The following ANKRD16 variants were observed in gnomAD, a reference collection of about 807,000 sequenced individuals.
ANKRD16 encodes the protein ankyrin repeat domain-containing protein 16.
ANKRD16 carries 35 observed loss-of-function variants against 37.9 expected under a neutral mutation model. The ratio of observed to expected loss-of-function variants is 0.92; its 90% CI spans 0.71 to 1.23. ANKRD16 has a LOEUF of 1.23. ANKRD16 is among the 50% of genes most tolerant of loss of function. The probability of loss-of-function intolerance (pLI) is 0.00; values close to 1 mark genes in which losing one functional copy is unlikely to be tolerated. For synonymous variants in ANKRD16, 206 were observed against 197.2 expected, an observed-to-expected ratio of 1.04 and a Z score of -0.37; for missense variants, 480 against 469.9, an observed-to-expected ratio of 1.02 and a Z score of -0.20.
Position 5,866,172 on chromosome 10 carries a change from G to T in ANKRD16, c.*34-3481C>A, listed in dbSNP as rs1842010829. Among the ~76,000 whole-genome samples the T allele has an allele frequency of 6.6e-6, 1 of 152,168 alleles. No individual in the cohort carries two copies. The highest frequency in any genetic ancestry group is 1.5e-5 in the Non-Finnish European group (1 of 68,038). On this transcript the variant is annotated intron_variant, in intron 7 of 7. Coordinates refer to ENST00000380094, the MANE Select transcript of ANKRD16 (RefSeq NM_019046.3). The surrounding 1 kb of genome is among the most constrained non-coding windows in gnomAD (Gnocchi z 4.3). ...ACCTAGATACCAGGCACTACTCCTTGAGGGACCAGTGCTTCAAATACATAC... is the reference window on the plus strand; with the variant it reads ...ACCTAGATACCAGGCACTACTCCTTTAGGGACCAGTGCTTCAAATACATAC...
chr10:5,873,695 T>C (rs1374377874), intron 7 of ANKRD16, among the ~76,000 whole-genome samples: 1 of 152,176 alleles, frequency 6.6e-6, no homozygotes, highest in Non-Finnish European at 1.5e-5. Flanking sequence ...TGCTCCTCCC[T>C]CTTCTCACTG....
At position 5,889,363 on chromosome 10, in the gene ANKRD16, G is replaced by C. The variant is rs1172312305; in HGVS notation, c.-9C>G. 4.2e-5 allele frequency: 51 copies of C among 1,213,506 alleles called. No individual in the cohort carries two copies. Among genetic ancestry groups the C allele is most frequent in the Non-Finnish European group, 2.5e-5 (24 of 978,314 alleles). 75.2% of individuals were successfully genotyped at this position (1,213,506 alleles called of 1,614,324 possible). On this transcript the variant is annotated 5_prime_UTR_variant, in exon 1 of 8. Coordinates refer to ENST00000380094, the MANE Select transcript of ANKRD16 (RefSeq NM_019046.3). ...TCCCCGGGCTGGGCCATCGCCGCGG[G>C]TCGGGCCGGGCTGCGCGGGGAGGCG...
intron 2 of ANKRD16, 39 bp downstream of exon 2, chr10:5,887,808 C>T (rs991422995): frequency 1.9e-6 from 3 of 1,578,124 alleles, no homozygotes; most frequent in Admixed American, 3.5e-5. Context: ...GAAGCAGCCA[C>T]ATGTGTGTAC....
chr10:5,889,555 A>G lies in ANKRD16; in HGVS notation c.-201T>C, dbSNP rs1329813232. On this transcript the variant is annotated 5_prime_UTR_variant, in exon 1 of 8. Coordinates refer to ENST00000380094, the MANE Select transcript of ANKRD16 (RefSeq NM_019046.3). Reference sequence around the variant, plus strand: ...TCCTCAAACCCCCGGCCTAGTCCGCAGGCGGGCTGCCCCCTCACAGCCCCG... The same window carrying G: ...TCCTCAAACCCCCGGCCTAGTCCGCGGGCGGGCTGCCCCCTCACAGCCCCG... 7.2e-6 allele frequency: 2 copies of G among 278,996 alleles called. No homozygotes were observed. Among genetic ancestry groups the G allele is most frequent in the Non-Finnish European group, 1.3e-5 (2 of 159,940 alleles). The allele number at this position is 278,996 out of a possible 1,614,324, so 17.3% of individuals were successfully genotyped here.
At chr10:5,880,242 G>A in intron 6 of ANKRD16, 56 bp downstream of exon 6, 1 of 595,916 alleles carries the variant, frequency 1.7e-6, no homozygotes, top group Non-Finnish European at 2.8e-6. Context: ...ATATAAAAGT[G>A]TATTGGTTAT....
In ANKRD16 at chr10:5,877,673, T is replaced by A. The variant is rs180981455; in HGVS notation, c.*33+424A>T. 4.0e-3 allele frequency among the ~76,000 whole-genome samples: 614 copies of A among 152,366 alleles called. 4 individuals are homozygous for A. In the Middle Eastern group the frequency reaches 0.061, roughly 15 times the overall value. On this transcript the variant is annotated intron_variant, in intron 7 of 7. Coordinates refer to ENST00000380094, the MANE Select transcript of ANKRD16 (RefSeq NM_019046.3). Reference sequence around the variant, plus strand: ...GAAGGAAGAAATTAAATGGGCCAACTGCATTTTATAGCTCAAGCTAATAGC... The same window carrying A: ...GAAGGAAGAAATTAAATGGGCCAACAGCATTTTATAGCTCAAGCTAATAGC...
chr10:5,879,708 T>C (rs1842255025), intron 6 of ANKRD16, among the ~76,000 whole-genome samples: 1 of 21,710 alleles, frequency 4.6e-5, no homozygotes, highest in East Asian at 1.7e-3. Context: ...AAGAAACTGC[T>C]TTTATGATGC....
At chr10:5,887,322 C>A (rs1465659031) in intron 2 of ANKRD16, among the ~76,000 whole-genome samples, 2 of 151,228 alleles carry the variant, frequency 1.3e-5, no homozygotes, top group East Asian at 3.9e-4. Flanking sequence ...AGCATGCTAG[C>A]CAAGTTATGT....
Position 5,887,937 on chromosome 10 carries a change from C to T in ANKRD16, c.445G>A (p.Asp149Asn), listed in dbSNP as rs548724768. ...NSFHIASREG[D>N]PLILQYLLTV... The stretch of plus-strand genomic sequence containing the variant: ...AGCAGGTACTGGAGGATCAGAGGGT[C>T]GCCTTCTCGACTGGCAATGTGGAAA... The change falls in exon 2 of 8, where the codon GAC becomes AAC. Residue 149 changes from aspartate to asparagine, a missense_variant. By Grantham distance (23) the Asp-to-Asn change is conservative. Transcript: ENST00000380094. 2.5e-6 allele frequency: 4 copies of T among 1,614,156 alleles called. No individual in the cohort carries two copies. Among genetic ancestry groups the T allele is most frequent in the African/African-American group, 1.3e-5 (1 of 75,052 alleles).
chr10:5,874,088 A>C lies in ANKRD16; in HGVS notation c.*33+4009T>G, dbSNP rs1423009309. On this transcript the variant is annotated intron_variant, in intron 7 of 7. Coordinates refer to ENST00000380094, the MANE Select transcript of ANKRD16 (RefSeq NM_019046.3). This position sits in a 1 kb window ranked among gnomAD's most constrained non-coding sequence, Gnocchi z 4.7. Reference sequence around the variant, plus strand: ...GTATTTTTAGTAAAGACGGGATTTCACCATGTTGGCCAGGATGGTCTCGAT... The same window carrying C: ...GTATTTTTAGTAAAGACGGGATTTCCCCATGTTGGCCAGGATGGTCTCGAT... Among the ~76,000 whole-genome samples, 2 of 152,026 alleles carry C rather than the reference A, an allele frequency of 1.3e-5. No homozygotes were observed. The highest frequency in any genetic ancestry group is 2.9e-5 in the Non-Finnish European group (2 of 68,004).
chr10:5,878,526 GT>G lies in ANKRD16; in HGVS notation c.929-240del, dbSNP rs1300387127. Among the ~76,000 whole-genome samples, 1 of 152,114 alleles carries G rather than the reference GT, an allele frequency of 6.6e-6. No individual in the cohort carries two copies. Among genetic ancestry groups the G allele is most frequent in the African/African-American group, 2.4e-5 (1 of 41,426 alleles). ...TTTAAGAAATTTATCTAGGCTGGGC[GT>G]GGTGGCTCATGCCTGTAATCCCAGC... On this transcript the variant is annotated intron_variant, in intron 6 of 7. Coordinates refer to ENST00000380094, the MANE Select transcript of ANKRD16 (RefSeq NM_019046.3). The surrounding 1 kb of genome is among the most constrained non-coding windows in gnomAD (Gnocchi z 5.1).
Position 5,889,310 on chromosome 10 carries a change from C to A in ANKRD16, c.45G>T (p.Gln15His). 2.2e-6 allele frequency: 3 copies of A among 1,339,424 alleles called. No homozygotes were observed. In the African/African-American group the frequency reaches 4.6e-5, roughly 21 times the overall value. 83.0% of individuals were successfully genotyped at this position (1,339,424 alleles called of 1,614,324 possible). Residue 15 changes from glutamine to histidine, a missense_variant, in exon 1 of 8, where the codon CAG becomes CAT. Gln to His is a conservative substitution (Grantham distance 24). Coordinates refer to ENST00000380094, the MANE Select transcript of ANKRD16 (RefSeq NM_019046.3). ...GDPRRLCRLV[Q>H]EGRLRALKEE... The stretch of plus-strand genomic sequence containing the variant: ...CCTTCAGGGCGCGCAGCCGGCCCTC[C>A]TGCACCAGCCTGCAGAGGCGCCGCG...
intron 6 of ANKRD16, 89 bp downstream of exon 6, chr10:5,880,202 AAAGGAAG>A: frequency 6.2e-6 from 2 of 321,504 alleles, no homozygotes; most frequent in South Asian, 6.3e-5. Flanking sequence ...AAAAAAAAAA[AAAGGAAG>A]AATATTAAAA....
At position 5,880,634 on chromosome 10, in the gene ANKRD16, C is replaced by CGGGG. The variant is rs1564417593; in HGVS notation, c.850-259_850-258insCCCC. 4.0e-3 allele frequency among the ~76,000 whole-genome samples: 599 copies of CGGGG among 150,274 alleles called. 4 individuals are homozygous for CGGGG. The highest frequency in any genetic ancestry group is 0.014 in the African/African-American group (562 of 39,784). ...AATCCACATTGCAGGATAAAAGGAG[C>CGGGG]AGGGGGGGGATTAGGCAATGATACA... On this transcript the variant is annotated intron_variant, in intron 5 of 7. Transcript: ENST00000380094.
rs527509098 is a variant in ANKRD16, at chr10:5,871,809, T to C, written c.*33+6288A>G. On this transcript the variant is annotated intron_variant, in intron 7 of 7. Transcript: ENST00000380094. The surrounding 1 kb of genome is among the most constrained non-coding windows in gnomAD (Gnocchi z 4.5). ...TTTCCCAGTCTGTAAACATGCCACA[T>C]GCTCATCCCCTCACTCACCCTCTCG... 1.1e-3 allele frequency among the ~76,000 whole-genome samples: 169 copies of C among 152,306 alleles called. No individual in the cohort carries two copies. Among genetic ancestry groups the C allele is most frequent in the South Asian group, 1.9e-3 (9 of 4,830 alleles).
chr10:5,867,427 G>T (rs184435784), intron 7 of ANKRD16, among the ~76,000 whole-genome samples: 1 of 152,358 alleles, frequency 6.6e-6, no homozygotes, highest in East Asian at 1.9e-4. Context: ...AAACCTGCGA[G>T]CTATTGGCAC....
chr10:5,862,326 T>C lies in ANKRD16; in HGVS notation c.*399A>G. 2.4e-6 allele frequency: 1 copy of C among 415,018 alleles called. No homozygotes were observed. Among genetic ancestry groups the C allele is most frequent in the Non-Finnish European group, 4.7e-6 (1 of 212,952 alleles). 25.7% of individuals were successfully genotyped at this position (415,018 alleles called of 1,614,324 possible). On this transcript the variant is annotated 3_prime_UTR_variant, in exon 8 of 8. Transcript: ENST00000380094. This position sits in a 1 kb window ranked among gnomAD's most constrained non-coding sequence, Gnocchi z 6.5. Reference sequence around the variant, plus strand: ...ACTGTGTTTCATGTTTTTGTGTTTCTTTCTTTCTGTCGGTGGTTCCTGAGG... The same window carrying C: ...ACTGTGTTTCATGTTTTTGTGTTTCCTTCTTTCTGTCGGTGGTTCCTGAGG...
Position 5,866,176 on chromosome 10 carries a change from G to A in ANKRD16, c.*34-3485C>T, listed in dbSNP as rs1399687722. ...AGATACCAGGCACTACTCCTTGAGGGACCAGTGCTTCAAATACATACGTGT... is the reference window on the plus strand; with the variant it reads ...AGATACCAGGCACTACTCCTTGAGGAACCAGTGCTTCAAATACATACGTGT... On this transcript the variant is annotated intron_variant, in intron 7 of 7. Transcript: ENST00000380094. This position sits in a 1 kb window ranked among gnomAD's most constrained non-coding sequence, Gnocchi z 4.3. Among the ~76,000 whole-genome samples, 2 of 152,162 alleles carry A rather than the reference G, an allele frequency of 1.3e-5. No homozygotes were observed. The highest frequency in any genetic ancestry group is 4.8e-5 in the African/African-American group (2 of 41,430).
chr10:5,871,386 CAAATAAATAAATAAATAAATAAAT>C lies in ANKRD16; in HGVS notation c.*33+6687_*33+6710del, dbSNP rs71388491. On this transcript the variant is annotated intron_variant, in intron 7 of 7. Transcript: ENST00000380094. This position sits in a 1 kb window ranked among gnomAD's most constrained non-coding sequence, Gnocchi z 4.5. ...TGGGCGACAGAGCTAGACTCCAACT[CAAATAAATAAATAAATAAATAAAT>C]AAATAAATAAATAAATATCACACCA... Among the ~76,000 whole-genome samples the C allele has an allele frequency of 6.8e-6, 1 of 147,766 alleles. No homozygotes were observed. Among genetic ancestry groups the C allele is most frequent in the Non-Finnish European group, 1.5e-5 (1 of 67,044 alleles).
Sources: allele counts gnomAD v4.1 joint callset (sites outside exome capture counted in the v4.1 genomes callset), GRCh38; gene constraint gnomAD v4.1.1; non-coding constraint Gnocchi (gnomAD v3.1); transcripts MANE v1.5; gene names NCBI Gene and HGNC (gene_info 2026-07-23, HGNC 2026-07-21).